SNX9: variants seen among roughly 807,000 people sequenced by gnomAD.
SNX9 encodes the protein sorting nexin 9.
In SNX9, 44 loss-of-function variants were observed where a neutral mutation model predicts 89.4. The observed-to-expected ratio is 0.49, with a 90% CI of 0.39 to 0.63. SNX9 has a LOEUF of 0.63. Among genes scored for constraint, SNX9 ranks in the 30% least tolerant of loss-of-function variants. The probability of loss-of-function intolerance (pLI) is 0.00; values close to 1 mark genes in which losing one functional copy is unlikely to be tolerated. For synonymous variants in SNX9, 236 were observed against 247.8 expected (o/e 0.95, Z 0.45); for missense variants, 578 against 736.1 (o/e 0.79, Z 2.49).
chr6:157,915,320 T>C (rs1783437970), intron 9 of SNX9, among the ~76,000 whole-genome samples: 1 of 152,140 alleles, frequency 6.6e-6, no homozygotes, highest in African/African-American at 2.4e-5. Context: ...TTTGTAGATA[T>C]TTATAATCAT....
At chr6:157,898,427 A>G (rs1326235056) in intron 5 of SNX9, among the ~76,000 whole-genome samples, 1 of 152,192 alleles carries the variant, frequency 6.6e-6, no homozygotes, top group Non-Finnish European at 1.5e-5. Flanking sequence ...TCTGATCTCC[A>G]CATCTTCAGA....
chr6:157,880,919 A>G (rs1782610092), intron 4 of SNX9, among the ~76,000 whole-genome samples: 1 of 152,246 alleles, frequency 6.6e-6, no homozygotes, highest in Non-Finnish European at 1.5e-5. Context: ...AAATGAAAAA[A>G]GAGTTCTAAA....
At chr6:157,899,699 A>G (rs543562010) in intron 5 of SNX9, among the ~76,000 whole-genome samples, 226 of 152,244 alleles carry the variant, frequency 1.5e-3, no homozygotes, top group African/African-American at 5.2e-3. Flanking sequence ...GCCTGAACCC[A>G]GGAGGCGGAG....
intron 6 of SNX9, among the ~76,000 whole-genome samples, chr6:157,902,505 A>G (rs1415318224): frequency 6.6e-6 from 1 of 152,182 alleles, no homozygotes; most frequent in Non-Finnish European, 1.5e-5. Flanking sequence ...GTTTTACTGC[A>G]GGCAAACTGA....
intron 1 of SNX9, among the ~76,000 whole-genome samples, chr6:157,866,612 G>A (rs1351608030): frequency 6.6e-6 from 1 of 152,002 alleles, no homozygotes; most frequent in Non-Finnish European, 1.5e-5. Flanking sequence ...TTAAGGAAAC[G>A]TTTTAAAATC....
At chr6:157,897,980 C>T (rs1280180048) in intron 5 of SNX9, among the ~76,000 whole-genome samples, 1 of 152,180 alleles carries the variant, frequency 6.6e-6, no homozygotes, top group African/African-American at 2.4e-5. Context: ...TCCTACCACC[C>T]GGGAAATTCC....
intron 1 of SNX9, among the ~76,000 whole-genome samples, chr6:157,842,505 C>T (rs996241722): frequency 6.6e-6 from 1 of 152,144 alleles, no homozygotes; most frequent in African/African-American, 2.4e-5. Flanking sequence ...GCTGGCTGTG[C>T]GGGAGACCTG....
Position 157,942,853 on chromosome 6 carries a change from T to C in SNX9, c.*15T>C. On this transcript the variant is annotated 3_prime_UTR_variant, in exon 18 of 18. Coordinates refer to ENST00000392185, the MANE Select transcript of SNX9 (RefSeq NM_016224.5). ...CAGTGATGTAGGACAGAACGGGCCT[T>C]GAAGAGAATGCCGCGTGCTTTCTCC... is the stretch of plus-strand genomic sequence containing the variant. 2 of 1,609,880 alleles carry C rather than the reference T, an allele frequency of 1.2e-6. No individual in the cohort carries two copies. The highest frequency in any genetic ancestry group is 2.2e-5 in the East Asian group (1 of 44,658).
In SNX9 at chr6:157,867,646, T is replaced by C; in HGVS notation, c.99+13T>C. 1 of 1,591,004 alleles carries C rather than the reference T, an allele frequency of 6.3e-7. No individual in the cohort carries two copies. Among genetic ancestry groups the C allele is most frequent in the Non-Finnish European group, 8.6e-7 (1 of 1,162,894 alleles). On this transcript the variant is annotated intron_variant, in intron 2 of 17. Coordinates refer to ENST00000392185, the MANE Select transcript of SNX9 (RefSeq NM_016224.5). ...AATCACAAATCCGGTAAGAGAACTG[T>C]ACATTCGAGTCTGATTGTCCCATGT...
chr6:157,940,477 G>A (rs1051981731), intron 16 of SNX9, among the ~76,000 whole-genome samples: 3 of 152,302 alleles, frequency 2.0e-5, no homozygotes, highest in African/African-American at 7.2e-5. Flanking sequence ...GAGTACAGTG[G>A]TGCAATCCCG....
Position 157,940,949 on chromosome 6 carries a change from A to G in SNX9, c.1715A>G (p.Glu572Gly). The change falls in exon 17 of 18, where the codon GAG (glutamate) becomes GGG (glycine). Residue 572 changes from glutamate to glycine, a missense_variant. By Grantham distance (98) the Glu-to-Gly change is moderately conservative (BLOSUM62 -2). This residue lies in a region of SNX9 where 348 missense variants were observed against 491.4 expected (regional missense o/e 0.71). Transcript: ENST00000392185. Reference protein sequence around the residue: ...DYNSVIRLYLEQQVQFYETIA... With the variant: ...DYNSVIRLYLGQQVQFYETIA... The stretch of plus-strand genomic sequence containing the variant: ...AACAGTGTCATCCGCCTGTACCTGG[A>G]GCAGCAAGTGCAATTTTACGAAACG... The G allele has an allele frequency of 6.2e-7, 1 of 1,614,234 alleles. No homozygotes were observed.
At chr6:157,852,900 C>T (rs1002036461) in intron 1 of SNX9, among the ~76,000 whole-genome samples, 1 of 152,084 alleles carries the variant, frequency 6.6e-6, no homozygotes, top group African/African-American at 2.4e-5. Flanking sequence ...CATTTTATTT[C>T]CCAGTATTAT....
chr6:157,848,795 G>T (rs1195851725), intron 1 of SNX9, among the ~76,000 whole-genome samples: 1 of 152,322 alleles, frequency 6.6e-6, no homozygotes, highest in East Asian at 1.9e-4. Context: ...TAGGGGAAGG[G>T]TAGTGTTATA....
chr6:157,864,590 C>T lies in SNX9; in HGVS notation c.13-2957C>T, dbSNP rs139324771. Among the ~76,000 whole-genome samples, 1,036 of 152,304 alleles carry T rather than the reference C, an allele frequency of 6.8e-3. 12 individuals carry two copies. The highest frequency in any genetic ancestry group is 0.024 in the African/African-American group (990 of 41,554). On this transcript the variant is annotated intron_variant, in intron 1 of 17. Coordinates refer to ENST00000392185, the MANE Select transcript of SNX9 (RefSeq NM_016224.5). ...GGATTCTTGAGGACCAATAACACAA[C>T]AGCAGGTTCCTCATGCCCGTGAGTG...
intron 4 of SNX9, among the ~76,000 whole-genome samples, chr6:157,882,108 G>A (rs1173534478): frequency 6.6e-6 from 1 of 152,154 alleles, no homozygotes; most frequent in African/African-American, 2.4e-5. Context: ...GGCTAATGCG[G>A]CTGGTAACTT....
chr6:157,889,266 A>G, intron 4 of SNX9, among the ~76,000 whole-genome samples: 1 of 152,016 alleles, frequency 6.6e-6, no homozygotes, highest in East Asian at 1.9e-4. Context: ...CCCCATCTCT[A>G]CTAAAAATAC....
At chr6:157,908,597 T>C (rs1437728786) in intron 7 of SNX9, among the ~76,000 whole-genome samples, 1 of 152,192 alleles carries the variant, frequency 6.6e-6, no homozygotes, top group East Asian at 1.9e-4. Context: ...TCCAGAAGCC[T>C]GTACATGAGC....
chr6:157,826,751 G>C (rs1674569019), intron 1 of SNX9, among the ~76,000 whole-genome samples: 1 of 109,122 alleles, frequency 9.2e-6, no homozygotes, highest in Non-Finnish European at 1.6e-5. Flanking sequence ...TTATATTATA[G>C]GTTTTATATA....
Position 157,942,514 on chromosome 6 carries a change from T to G in SNX9, c.1741-277T>G, listed in dbSNP as rs548651840. On this transcript the variant is annotated intron_variant, in intron 17 of 17. Transcript: ENST00000392185. ...CCCAGCTCATCTGAGGAAAAGCAGGTGGTCTGGAAGCGCCGCTAGGGCAGA... is the reference window on the plus strand; with the variant it reads ...CCCAGCTCATCTGAGGAAAAGCAGGGGGTCTGGAAGCGCCGCTAGGGCAGA... Among the ~76,000 whole-genome samples, 5 of 152,224 alleles carry G rather than the reference T, an allele frequency of 3.3e-5. No individual in the cohort carries two copies. The East Asian group carries it at 9.6e-4, about 29-fold the overall frequency.
Sources: gnomAD v4.1 joint callset for allele counts (sites outside exome capture counted in the v4.1 genomes callset) on GRCh38, gnomAD v4.1.1 for gene constraint, gnomAD v4.1.1 regional missense constraint, MANE v1.5 for transcripts, NCBI Gene and HGNC (gene_info 2026-07-23, HGNC 2026-07-21) for gene names.